Variants in NRXN3 observed in about 807,000 individuals in gnomAD.
NRXN3 encodes the protein neurexin III.
NRXN3 carries 32 observed loss-of-function variants against 137.6 expected under a neutral mutation model. The observed-to-expected ratio is 0.23, with a 90% CI of 0.18 to 0.31. The LOEUF (loss-of-function observed/expected upper bound fraction) is 0.31, where lower values mean the gene tolerates loss of function less well. NRXN3 is among the 10% of genes least tolerant of loss of function. The pLI is 1.00. For synonymous variants in NRXN3, 798 were observed against 784.5 expected (o/e 1.02, Z -0.29); for missense variants, 1,574 against 2,062.5 (o/e 0.76, Z 4.59).
Position 78,709,333 on chromosome 14 carries a change from G to A in NRXN3, c.1338G>A (p.Leu446=). The A allele has an allele frequency of 3.1e-6, 5 of 1,614,026 alleles. No homozygotes were observed. Among genetic ancestry groups the A allele is most frequent in the Non-Finnish European group, 4.2e-6 (5 of 1,179,980 alleles). The change falls in exon 7 of 21, where the codon CTG becomes CTA. Residue 446 remains leucine, a synonymous_variant. Coordinates refer to ENST00000335750, the MANE Select transcript of NRXN3 (RefSeq NM_001330195.2). The stretch of plus-strand genomic sequence containing the variant: ...TTAAGTGTGAGAATGTGGCCACACT[G>A]GACCCCATCAACTTTGAGACCCCAG... ...VVFKCENVAT[L]DPINFETPEA... is the part of the protein sequence containing the mutation.
At chr14:79,226,104 C>T (rs116015018) in intron 15 of NRXN3, among the ~76,000 whole-genome samples, 2,975 of 152,130 alleles carry the variant, frequency 0.02, 102 homozygotes, top group African/African-American at 0.068. Context: ...AGGATGTGGA[C>T]GTCTTTCAGG....
intron 15 of NRXN3, among the ~76,000 whole-genome samples, chr14:79,257,841 T>C (rs1304625252): frequency 6.6e-6 from 1 of 152,026 alleles, no homozygotes; most frequent in East Asian, 1.9e-4. Flanking sequence ...TGTAAAATTA[T>C]TGTATTTTCC....
intron 1 of NRXN3, among the ~76,000 whole-genome samples, chr14:78,208,318 C>T (rs968011909): frequency 6.6e-6 from 1 of 152,186 alleles, no homozygotes; most frequent in African/African-American, 2.4e-5. Context: ...TCTCCAAGCT[C>T]AAGTTCTCTA....
intron 10 of NRXN3, among the ~76,000 whole-genome samples, chr14:78,922,480 C>T (rs2099273384): frequency 6.6e-6 from 1 of 152,126 alleles, no homozygotes; most frequent in Admixed American, 6.5e-5. Flanking sequence ...TTTGTCAGAT[C>T]AAGTTTACGC....
chr14:78,699,055 A>G (rs1175820895), intron 6 of NRXN3, among the ~76,000 whole-genome samples: 3 of 152,002 alleles, frequency 2.0e-5, no homozygotes, highest in Non-Finnish European at 4.4e-5. Context: ...ATTGAGAGAT[A>G]CAGAGAGAAA....
At chr14:78,894,158 A>G (rs1278862417) in intron 10 of NRXN3, among the ~76,000 whole-genome samples, 2 of 151,910 alleles carry the variant, frequency 1.3e-5, no homozygotes, top group Non-Finnish European at 2.9e-5. Flanking sequence ...TGCTTTATCA[A>G]TTAACTCTTG....
At chr14:78,912,866 A>G (rs2099243109) in intron 10 of NRXN3, among the ~76,000 whole-genome samples, 1 of 152,056 alleles carries the variant, frequency 6.6e-6, no homozygotes, top group Admixed American at 6.6e-5. Flanking sequence ...TTGTTTTTTG[A>G]ATTAAAGGGC....
chr14:79,188,789 C>G (rs2063853396), intron 15 of NRXN3, among the ~76,000 whole-genome samples: 1 of 152,174 alleles, frequency 6.6e-6, no homozygotes, highest in African/African-American at 2.4e-5. Context: ...TGAAAAAGTG[C>G]TCACCATCAC....
intron 15 of NRXN3, among the ~76,000 whole-genome samples, chr14:79,044,936 T>G (rs755138918): frequency 2.0e-5 from 3 of 152,114 alleles, no homozygotes. Context: ...TTTCTTGATT[T>G]GCAGCCCATG....
chr14:78,222,381 C>G (rs922701369), intron 1 of NRXN3, among the ~76,000 whole-genome samples: 1 of 152,068 alleles, frequency 6.6e-6, no homozygotes, highest in African/African-American at 2.4e-5. Context: ...GTGGGCTCAC[C>G]CGAGGTAAAC....
intron 4 of NRXN3, among the ~76,000 whole-genome samples, chr14:78,454,189 G>A (rs370545961): frequency 6.6e-6 from 1 of 152,064 alleles, no homozygotes; most frequent in African/African-American, 2.4e-5. Context: ...TCAGGGATAC[G>A]GATAAGTAAG....
rs548964877 is a variant in NRXN3 at position 79,665,139 on chromosome 14, G to T, written c.3616+1190G>T. On this transcript the variant is annotated intron_variant, in intron 17 of 20. Transcript: ENST00000335750. ...AACTCAGCATTAATTTTCTTTAAAA[G>T]CCTATCAGAAGTATCTGCGCTGTTG... 1.6e-4 allele frequency among the ~76,000 whole-genome samples: 24 copies of T among 152,268 alleles called. No homozygotes were observed. The South Asian group carries it at 5.0e-3, about 32-fold the overall frequency.
At chr14:78,219,274 C>A (rs796481735) in intron 1 of NRXN3, among the ~76,000 whole-genome samples, 24 of 152,176 alleles carry the variant, frequency 1.6e-4, no homozygotes, top group African/African-American at 5.3e-4. Context: ...AGATTTTTAA[C>A]CCAATGTTAA....
intron 15 of NRXN3, among the ~76,000 whole-genome samples, chr14:79,190,967 T>C (rs927401282): frequency 1.3e-5 from 2 of 152,160 alleles, no homozygotes; most frequent in East Asian, 3.9e-4. Flanking sequence ...GACGTACACA[T>C]ACATAATTGT....
chr14:79,426,992 G>A (rs1205501948), intron 15 of NRXN3, among the ~76,000 whole-genome samples: 1 of 152,112 alleles, frequency 6.6e-6, no homozygotes, highest in Non-Finnish European at 1.5e-5. Flanking sequence ...GAGCATTTTA[G>A]TATAATTGTG....
chr14:78,412,619 A>G (rs186798999), intron 4 of NRXN3, among the ~76,000 whole-genome samples: 34 of 152,266 alleles, frequency 2.2e-4, no homozygotes, highest in Non-Finnish European at 4.6e-4. Context: ...TAAGTAACTT[A>G]CCCAAGGTCA....
intron 15 of NRXN3, among the ~76,000 whole-genome samples, chr14:79,001,617 G>A (rs1460793621): frequency 6.6e-6 from 1 of 152,064 alleles, no homozygotes; most frequent in Non-Finnish European, 1.5e-5. Flanking sequence ...CTATTTTCCC[G>A]AGTCTTCTTT....
rs150640921 is a variant in NRXN3, at chr14:79,365,447, C to T, written c.3263-101774C>T. 8.3e-3 allele frequency among the ~76,000 whole-genome samples: 1,257 copies of T among 152,036 alleles called. 25 individuals are homozygous for T. The South Asian group carries it at 0.083, about 10-fold the overall frequency. Reference sequence around the variant, plus strand: ...ACAGAAGAGTTTTATTGGCCGGGCGCGGTGGCTCACGCCTGTAATCCCAGC... The same window carrying T: ...ACAGAAGAGTTTTATTGGCCGGGCGTGGTGGCTCACGCCTGTAATCCCAGC... On this transcript the variant is annotated intron_variant, in intron 15 of 20. Transcript: ENST00000335750.
At chr14:78,371,123 T>C (rs935902426) in intron 4 of NRXN3, among the ~76,000 whole-genome samples, 4 of 152,142 alleles carry the variant, frequency 2.6e-5, no homozygotes, top group African/African-American at 9.7e-5. Context: ...CCGCCCTAAA[T>C]GAGAACAGTT....
Sources: allele counts gnomAD v4.1 joint callset (sites outside exome capture counted in the v4.1 genomes callset), GRCh38; gene constraint gnomAD v4.1.1; transcripts MANE v1.5; gene names NCBI Gene and HGNC (gene_info 2026-07-23, HGNC 2026-07-21).